Variants in ROBO1 observed in about 807,000 individuals in gnomAD.
ROBO1 encodes the protein roundabout guidance receptor 1.
ROBO1 carries 149 observed loss-of-function variants against 195.9 expected under a neutral mutation model. The observed-to-expected ratio is 0.76, with a 90% CI of 0.67 to 0.87. The LOEUF is 0.87. Among genes scored for constraint, ROBO1 ranks in the 40% least tolerant of loss-of-function variants. The pLI, the probability that ROBO1 is intolerant of heterozygous loss-of-function variation, is 0.00. For missense variants in ROBO1, 1,933 were observed against 2,068.3 expected, an observed-to-expected ratio of 0.93 and a Z score of 1.27; for synonymous variants, 816 against 733.2, an observed-to-expected ratio of 1.11 and a Z score of -1.82.
At chr3:78,814,963 G>C (rs942581555) in intron 4 of ROBO1, among the ~76,000 whole-genome samples, 4 of 151,908 alleles carry the variant, frequency 2.6e-5, no homozygotes, top group Non-Finnish European at 5.9e-5. Context: ...ATATTGTTAC[G>C]GTGATCTGTG....
chr3:79,188,780 G>A (rs974519780), intron 2 of ROBO1, among the ~76,000 whole-genome samples: 9 of 151,626 alleles, frequency 5.9e-5, no homozygotes, highest in African/African-American at 2.2e-4. Flanking sequence ...AACCAGCAGC[G>A]TCCATAGTGG....
At chr3:78,797,801 A>G (rs1029715642) in intron 4 of ROBO1, among the ~76,000 whole-genome samples, 13 of 152,206 alleles carry the variant, frequency 8.5e-5, no homozygotes, top group African/African-American at 3.1e-4. Context: ...AAATATGGTA[A>G]TAAAATAACC....
At chr3:78,635,333 C>A (rs1465399972) in intron 23 of ROBO1, among the ~76,000 whole-genome samples, 2 of 152,058 alleles carry the variant, frequency 1.3e-5, no homozygotes, top group African/African-American at 4.8e-5. Flanking sequence ...TTCTCCAGTT[C>A]AAGTTTAATT....
At chr3:79,661,773 A>G (rs1048029302) in intron 1 of ROBO1, among the ~76,000 whole-genome samples, 1 of 152,032 alleles carries the variant, frequency 6.6e-6, no homozygotes, top group East Asian at 1.9e-4. Context: ...TGTGTCTTCT[A>G]TATCACATTT....
chr3:79,470,432 G>A (rs573758684), intron 2 of ROBO1, among the ~76,000 whole-genome samples: 2 of 152,222 alleles, frequency 1.3e-5, no homozygotes, highest in African/African-American at 4.8e-5. Context: ...AGGGAGGAGG[G>A]ATAGCATTAG....
At chr3:79,426,879 C>T (rs2038468179) in intron 2 of ROBO1, among the ~76,000 whole-genome samples, 3 of 152,180 alleles carry the variant, frequency 2.0e-5, no homozygotes, top group Middle Eastern at 6.8e-3. Context: ...ACAAGTAATT[C>T]TGGGCAGTAT....
intron 2 of ROBO1, among the ~76,000 whole-genome samples, chr3:79,401,043 T>C (rs992889509): frequency 6.6e-6 from 1 of 151,872 alleles, no homozygotes; most frequent in Non-Finnish European, 1.5e-5. Context: ...TATACTGATA[T>C]CTATATGTAT....
rs570884993 is a variant in ROBO1, at chr3:78,917,190, G to A, written c.499+21411C>T. Among the ~76,000 whole-genome samples, 19 of 139,624 alleles carry A rather than the reference G, an allele frequency of 1.4e-4. No individual in the cohort carries two copies. The East Asian group carries it at 3.6e-3, about 27-fold the overall frequency. 91.6% of individuals were successfully genotyped at this position (139,624 alleles called of 152,430 possible). A position where few individuals can be genotyped will look rare whatever the true frequency, so the allele number is the denominator to read the frequency against. On this transcript the variant is annotated intron_variant, in intron 4 of 30. Transcript: ENST00000464233. ...CGGCTCATTGCAACCTCTGCCTCCC[G>A]GGTTCAAGCGATTCTCCTGCCTCAG...
chr3:79,309,284 TG>T, intron 2 of ROBO1, among the ~76,000 whole-genome samples: 1 of 152,136 alleles, frequency 6.6e-6, no homozygotes, highest in Non-Finnish European at 1.5e-5. Context: ...CTAATCACTG[TG>T]AGGCTGGGTG....
intron 1 of ROBO1, among the ~76,000 whole-genome samples, chr3:79,703,706 A>T (rs987583665): frequency 1.3e-5 from 2 of 151,984 alleles, no homozygotes; most frequent in Non-Finnish European, 2.9e-5. Flanking sequence ...TTGATAAATG[A>T]ATGTAATGCC....
At chr3:79,492,270 C>CA (rs1457251034) in intron 2 of ROBO1, among the ~76,000 whole-genome samples, 1 of 151,696 alleles carries the variant, frequency 6.6e-6, no homozygotes, top group African/African-American at 2.4e-5. Context: ...ACTAAAAATG[C>CA]AAAAATTAGC....
chr3:79,577,720 ACACACACACACACACACACAC>A (rs1943535036), intron 2 of ROBO1, among the ~76,000 whole-genome samples: 1 of 73,470 alleles, frequency 1.4e-5, no homozygotes, highest in African/African-American at 8.2e-5. Flanking sequence ...TACTAAAAAC[ACACACACACACACACACACAC>A]ACACACACAC....
At chr3:79,729,113 A>G (rs926499782) in intron 1 of ROBO1, among the ~76,000 whole-genome samples, 3 of 152,150 alleles carry the variant, frequency 2.0e-5, no homozygotes, top group African/African-American at 7.2e-5. Context: ...TAGCCATGTA[A>G]TGTTCCTTGG....
chr3:79,396,731 C>A (rs1030119664), intron 2 of ROBO1, among the ~76,000 whole-genome samples: 10 of 152,168 alleles, frequency 6.6e-5, no homozygotes, highest in African/African-American at 1.9e-4. Flanking sequence ...TCAAAAGTTT[C>A]TTTAATCTAC....
intron 2 of ROBO1, among the ~76,000 whole-genome samples, chr3:79,129,052 A>T (rs2080272733): frequency 6.6e-6 from 1 of 152,126 alleles, no homozygotes; most frequent in African/African-American, 2.4e-5. Flanking sequence ...TACATTTCTC[A>T]ATTGGATGCT....
chr3:78,892,675 C>T (rs773548994), intron 4 of ROBO1, among the ~76,000 whole-genome samples: 18 of 152,156 alleles, frequency 1.2e-4, no homozygotes, highest in Middle Eastern at 3.4e-3. Flanking sequence ...TAAAAGGCTG[C>T]AATATTTTTG....
intron 2 of ROBO1, among the ~76,000 whole-genome samples, chr3:79,558,360 TC>T (rs550952420): frequency 6.6e-5 from 10 of 152,336 alleles, no homozygotes; most frequent in Middle Eastern, 3.4e-3. Context: ...TATGTTTTTT[TC>T]TTACGACATT....
At chr3:79,202,562 C>T (rs534698713) in intron 2 of ROBO1, among the ~76,000 whole-genome samples, 2 of 131,402 alleles carry the variant, frequency 1.5e-5, no homozygotes, top group African/African-American at 5.7e-5. Context: ...GAGTTGAGAT[C>T]AACTATGAAA....
At chr3:79,736,177 G>A (rs12497790) in intron 1 of ROBO1, among the ~76,000 whole-genome samples, 47,406 of 151,988 alleles carry the variant, frequency 0.31, 9,145 homozygotes, top group Middle Eastern at 0.52. Flanking sequence ...CTGGAGAGAA[G>A]CATTTCAGGT....
Sources: gnomAD v4.1 joint callset for allele counts (sites outside exome capture counted in the v4.1 genomes callset) on GRCh38, gnomAD v4.1.1 for gene constraint, MANE v1.5 for transcripts, NCBI Gene and HGNC (gene_info 2026-07-23, HGNC 2026-07-21) for gene names.